The following NFATC1 variants were observed in gnomAD, a reference collection of about 807,000 sequenced individuals.
The protein encoded by NFATC1 is nuclear factor of activated T cells 1, also known as nuclear factor of activated T-cells, cytoplasmic 1.
In NFATC1, 22 loss-of-function variants were observed where a neutral mutation model predicts 76.0. The ratio of observed to expected loss-of-function variants is 0.29; its 90% CI spans 0.21 to 0.41. The LOEUF (loss-of-function observed/expected upper bound fraction) is 0.41, where lower values mean the gene tolerates loss of function less well. NFATC1 is among the 10% of genes least tolerant of loss of function. NFATC1 has a pLI of 1.00. For missense variants in NFATC1, 1,357 were observed against 1,337.7 expected, an observed-to-expected ratio of 1.01 and a Z score of -0.23; for synonymous variants, 704 against 613.1, an observed-to-expected ratio of 1.15 and a Z score of -2.19.
chr18:79,453,156 G>A (rs1264339495), intron 6 of NFATC1, among the ~76,000 whole-genome samples: 2 of 152,242 alleles, frequency 1.3e-5, no homozygotes, highest in Non-Finnish European at 2.9e-5. Flanking sequence ...AGAGCTTTCG[G>A]TGTGTGTCCA....
intron 8 of NFATC1, among the ~76,000 whole-genome samples, chr18:79,481,129 T>A (rs1390975003): frequency 2.0e-5 from 3 of 152,252 alleles, no homozygotes; most frequent in African/African-American, 7.2e-5. Flanking sequence ...AGAGAGCACT[T>A]GGCCAAGCCC....
intron 9 of NFATC1, among the ~76,000 whole-genome samples, chr18:79,487,198 G>A (rs112470200): frequency 0.069 from 10,483 of 152,300 alleles, 499 homozygotes; most frequent in Admixed American, 0.1. Flanking sequence ...ATCCTCCTGC[G>A]AGACCTGTCC....
At chr18:79,403,587 G>A (rs1234199380) in intron 1 of NFATC1, among the ~76,000 whole-genome samples, 5 of 152,270 alleles carry the variant, frequency 3.3e-5, no homozygotes, top group African/African-American at 9.6e-5. Flanking sequence ...CACTGTCGCC[G>A]TGGCAACTCA....
At position 79,528,066 on chromosome 18, in the gene NFATC1, T is replaced by TG. The variant is rs2090815250; in HGVS notation, c.*491dup. On this transcript the variant is annotated 3_prime_UTR_variant, in exon 10 of 10. Transcript: ENST00000427363. ...CCCTCTGTATGAATGAAGAGAACGC[T>TG]GGAAGGCTGCGAGAGGACTCTAGTA... 3 of 403,710 alleles carry TG rather than the reference T, an allele frequency of 7.4e-6. No individual in the cohort carries two copies. Among genetic ancestry groups the TG allele is most frequent in the South Asian group, 2.6e-4 (2 of 7,552 alleles). 25.0% of individuals were successfully genotyped at this position (403,710 alleles called of 1,614,324 possible). A position where few individuals can be genotyped will look rare whatever the true frequency, so the allele number is the denominator to read the frequency against.
At chr18:79,447,401 G>C (rs2087256391) in intron 3 of NFATC1, among the ~76,000 whole-genome samples, 1 of 152,254 alleles carries the variant, frequency 6.6e-6, no homozygotes, top group African/African-American at 2.4e-5. Context: ...GCCCAGGCCT[G>C]GACTCTGCAC....
intron 9 of NFATC1, among the ~76,000 whole-genome samples, chr18:79,490,412 C>T (rs1160724691): frequency 6.6e-6 from 1 of 151,620 alleles, no homozygotes; most frequent in Non-Finnish European, 1.5e-5. Context: ...TGGTGCAGGC[C>T]CGGCTCTGGG....
At position 79,428,956 on chromosome 18, in the gene NFATC1, C is replaced by A. The variant is rs556249308; in HGVS notation, c.1227-4623C>A. On this transcript the variant is annotated intron_variant, in intron 2 of 9. Coordinates refer to ENST00000427363, the MANE Select transcript of NFATC1 (RefSeq NM_001278669.2). ...ACCCAGTGGGCTGGGCACAGTGGCTCACGCCTGTAATCCCAGCACTTTGGG... is the reference window on the plus strand; with the variant it reads ...ACCCAGTGGGCTGGGCACAGTGGCTAACGCCTGTAATCCCAGCACTTTGGG... 9.2e-5 allele frequency among the ~76,000 whole-genome samples: 14 copies of A among 152,334 alleles called. 1 individual carries two copies. Among genetic ancestry groups the A allele is most frequent in the African/African-American group, 3.4e-4 (14 of 41,576 alleles).
chr18:79,490,790 A>T (rs146766864), intron 9 of NFATC1, among the ~76,000 whole-genome samples: 1,531 of 152,206 alleles, frequency 0.01, 29 homozygotes, highest in African/African-American at 0.032. Context: ...GTCAGGGTTG[A>T]GTCTGGGTCG....
chr18:79,452,827 T>C (rs1483095728), intron 6 of NFATC1, among the ~76,000 whole-genome samples: 1 of 152,230 alleles, frequency 6.6e-6, no homozygotes, highest in Non-Finnish European at 1.5e-5. Flanking sequence ...CCACAAGGCC[T>C]GTTTTGTGAT....
rs560529528 is a variant in NFATC1, at chr18:79,420,570, G to A, written c.1226+9069G>A. Among the ~76,000 whole-genome samples the A allele has an allele frequency of 6.6e-5, 10 of 151,502 alleles. No homozygotes were observed. In the South Asian group the frequency reaches 1.7e-3, roughly 25 times the overall value. On this transcript the variant is annotated intron_variant, in intron 2 of 9. Transcript: ENST00000427363. ...GGGGGATGCGTTTCCAGGTGACATC[G>A]CTACAGACAGGAAGAGGGGGATGCG...
chr18:79,458,197 G>A (rs1486674755), intron 6 of NFATC1, among the ~76,000 whole-genome samples: 1 of 152,218 alleles, frequency 6.6e-6, no homozygotes, highest in East Asian at 1.9e-4. Context: ...TCCTCTGGGA[G>A]CCAGGCTGGG....
chr18:79,439,669 G>A (rs1190527723), intron 3 of NFATC1, among the ~76,000 whole-genome samples: 2 of 152,202 alleles, frequency 1.3e-5, no homozygotes, highest in East Asian at 1.9e-4. Context: ...GGTTGCCGTC[G>A]GGCTGTGTCT....
At position 79,457,400 on chromosome 18, in the gene NFATC1, C is replaced by T. The variant is rs1003708396; in HGVS notation, c.1904-3911C>T. On this transcript the variant is annotated intron_variant, in intron 6 of 9. Coordinates refer to ENST00000427363, the MANE Select transcript of NFATC1 (RefSeq NM_001278669.2). ...TCTCAGACTCCCCCTGCCTGGGCCC[C>T]GCTGGTGTGGGGAGGCCACGCGTCA... Among the ~76,000 whole-genome samples, 23 of 152,118 alleles carry T rather than the reference C, an allele frequency of 1.5e-4. 1 individual carries two copies. The highest frequency in any genetic ancestry group is 4.1e-4 in the South Asian group (2 of 4,822).
At chr18:79,400,555 C>G (rs956145317) in intron 1 of NFATC1, 1 of 1,236,084 alleles carries the variant, frequency 8.1e-7, no homozygotes, top group African/African-American at 1.6e-5. Context: ...CCTCCGCGTC[C>G]TCGTCGCTCC....
intron 8 of NFATC1, among the ~76,000 whole-genome samples, chr18:79,471,468 A>G (rs2088784744): frequency 6.6e-6 from 1 of 152,200 alleles, no homozygotes; most frequent in Admixed American, 6.5e-5. Flanking sequence ...AAACGAGAAA[A>G]TAAAACATGA....
rs1444383417 is a variant in NFATC1, at chr18:79,410,359, A to C, written c.128-44A>C. Reference sequence around the variant, plus strand: ...TGAGTTCATGGGTTTCTGCTTTGTGATGCCCAGCCCCTCATGCTCCCATCT... The same window carrying C: ...TGAGTTCATGGGTTTCTGCTTTGTGCTGCCCAGCCCCTCATGCTCCCATCT... On this transcript the variant is annotated intron_variant, in intron 1 of 9. Transcript: ENST00000427363. This position sits in a 1 kb window ranked among gnomAD's most constrained non-coding sequence, Gnocchi z 6.7. The C allele has an allele frequency of 4.5e-6, 7 of 1,556,622 alleles. No individual in the cohort carries two copies. Among genetic ancestry groups the C allele is most frequent in the African/African-American group, 1.4e-5 (1 of 73,728 alleles).
chr18:79,498,659 G>A (rs1181637592), intron 9 of NFATC1, among the ~76,000 whole-genome samples: 1 of 152,190 alleles, frequency 6.6e-6, no homozygotes, highest in Non-Finnish European at 1.5e-5. Context: ...ACATTATTCA[G>A]TGCATCCAAA....
Position 79,410,539 on chromosome 18 carries a change from G to A in NFATC1, c.264G>A (p.Gly88=), listed in dbSNP as rs758785209. Residue 88 remains glycine (G), a synonymous_variant, in exon 2 of 10, where the codon GGG becomes GGA. Transcript: ENST00000427363. The surrounding 1 kb of genome is among the most constrained non-coding windows in gnomAD (Gnocchi z 6.7). ...GIIPPADHPS[G]YGAALDGGPA... is the part of the protein sequence containing the mutation. ...TCCCGCCGGCGGATCACCCCTCGGG[G>A]TACGGAGCAGCTTTGGACGGTGGGC... is the stretch of plus-strand genomic sequence containing the variant. 5.0e-6 allele frequency: 8 copies of A among 1,611,562 alleles called. No homozygotes were observed. Among genetic ancestry groups the A allele is most frequent in the East Asian group, 2.2e-5 (1 of 44,884 alleles).
intron 9 of NFATC1, among the ~76,000 whole-genome samples, chr18:79,518,263 C>T (rs768542223): frequency 5.3e-5 from 8 of 152,212 alleles, no homozygotes; most frequent in Non-Finnish European, 1.2e-4. Flanking sequence ...TCATGGCAGC[C>T]GCTGCGTCCA....
Sources: allele counts gnomAD v4.1 joint callset (sites outside exome capture counted in the v4.1 genomes callset), GRCh38; gene constraint gnomAD v4.1.1; non-coding constraint Gnocchi (gnomAD v3.1); transcripts MANE v1.5; gene names NCBI Gene and HGNC (gene_info 2026-07-23, HGNC 2026-07-21).